Variants in TAFA2 observed in about 807,000 individuals in gnomAD.
TAFA2 encodes the protein TAFA chemokine like family member 2.
A neutral mutation model predicts 18.8 loss-of-function variants in TAFA2; 7 were observed. That is an observed-to-expected ratio of 0.37 (90% CI 0.21 to 0.70). TAFA2 has a LOEUF of 0.70. Ranked by LOEUF, TAFA2 falls within the 30% of genes least tolerant of loss-of-function variation. The pLI is 0.53. For missense variants in TAFA2, 122 were observed against 158.1 expected, an observed-to-expected ratio of 0.77 and a Z score of 1.23; for synonymous variants, 60 against 54.2, an observed-to-expected ratio of 1.11 and a Z score of -0.47.
chr12:62,030,749 A>T (rs1049224876), intron 1 of TAFA2, among the ~76,000 whole-genome samples: 2 of 152,106 alleles, frequency 1.3e-5, no homozygotes, highest in South Asian at 4.1e-4. Flanking sequence ...ATGGAACATG[A>T]TGGGGTGGGA....
intron 1 of TAFA2, among the ~76,000 whole-genome samples, chr12:62,087,636 A>G (rs556046497): frequency 5.6e-4 from 85 of 152,256 alleles, no homozygotes; most frequent in African/African-American, 2.0e-3. Flanking sequence ...CCTACAAGGG[A>G]TAGGTAAGAT....
At chr12:62,024,754 T>C (rs1300784542) in intron 1 of TAFA2, among the ~76,000 whole-genome samples, 2 of 151,412 alleles carry the variant, frequency 1.3e-5, no homozygotes, top group East Asian at 1.9e-4. Context: ...ACTCAAACAA[T>C]TGAACAAGCA....
chr12:61,837,489 C>A (rs780322524), intron 2 of TAFA2, among the ~76,000 whole-genome samples: 1 of 151,966 alleles, frequency 6.6e-6, no homozygotes, highest in Non-Finnish European at 1.5e-5. Context: ...GTGTAGACAG[C>A]ATGTGTATTA....
At chr12:61,918,013 A>T (rs12298773) in intron 1 of TAFA2, among the ~76,000 whole-genome samples, 7,259 of 148,670 alleles carry the variant, frequency 0.049, 578 homozygotes, top group African/African-American at 0.17. Context: ...ATGCTTATTT[A>T]TTTTTTTTTT....
At chr12:61,916,416 T>G (rs1876823102) in intron 1 of TAFA2, among the ~76,000 whole-genome samples, 2 of 152,178 alleles carry the variant, frequency 1.3e-5, no homozygotes, top group South Asian at 4.1e-4. Flanking sequence ...AGAGCATGTA[T>G]AGTACTTGGT....
intron 1 of TAFA2, among the ~76,000 whole-genome samples, chr12:62,110,033 G>A (rs1051393362): frequency 2.0e-5 from 3 of 152,064 alleles, no homozygotes; most frequent in African/African-American, 4.8e-5. Flanking sequence ...GGAGTGGTGA[G>A]AGAGGGCATC....
chr12:62,092,132 TTTG>T (rs1868739544), intron 1 of TAFA2, among the ~76,000 whole-genome samples: 1 of 152,000 alleles, frequency 6.6e-6, no homozygotes, highest in African/African-American at 2.4e-5. Flanking sequence ...TAACCCACCA[TTTG>T]TACACTTGAT....
At chr12:62,233,237 T>A (rs553632504) in intron 1 of TAFA2, among the ~76,000 whole-genome samples, 12 of 151,842 alleles carry the variant, frequency 7.9e-5, no homozygotes, top group African/African-American at 2.7e-4. Context: ...TGTGCCAACA[T>A]GCCCGGCTAA....
intron 4 of TAFA2, among the ~76,000 whole-genome samples, chr12:61,722,252 A>G (rs1016331693): frequency 6.6e-6 from 1 of 152,162 alleles, no homozygotes; most frequent in African/African-American, 2.4e-5. Flanking sequence ...ATGTAATTAG[A>G]AGAAAAATAT....
intron 1 of TAFA2, among the ~76,000 whole-genome samples, chr12:62,212,927 T>C (rs2136974118): frequency 6.6e-6 from 1 of 152,316 alleles, no homozygotes; most frequent in South Asian, 2.1e-4. Context: ...CTTTTAATAT[T>C]AGAGTGCTTA....
chr12:61,971,743 G>A (rs767476471), intron 1 of TAFA2, among the ~76,000 whole-genome samples: 13 of 150,958 alleles, frequency 8.6e-5, no homozygotes, highest in Non-Finnish European at 1.8e-4. Context: ...GGCTGGGGGA[G>A]GGATAGTGTT....
chr12:62,214,838 G>A (rs746988101), intron 1 of TAFA2, among the ~76,000 whole-genome samples: 4 of 152,158 alleles, frequency 2.6e-5, no homozygotes, highest in African/African-American at 4.8e-5. Flanking sequence ...ATGGTACTTT[G>A]TTATGGCATC....
chr12:61,715,302 G>T (rs1204121840), intron 4 of TAFA2, among the ~76,000 whole-genome samples: 1 of 151,900 alleles, frequency 6.6e-6, no homozygotes, highest in African/African-American at 2.4e-5. Context: ...CAGGTGTGGT[G>T]GTTCAGGCCT....
At chr12:61,751,065 T>C (rs1315668684) in intron 4 of TAFA2, among the ~76,000 whole-genome samples, 7 of 152,094 alleles carry the variant, frequency 4.6e-5, no homozygotes, top group Admixed American at 4.6e-4. Flanking sequence ...GTGCTATTTA[T>C]GCATGATGGA....
intron 2 of TAFA2, among the ~76,000 whole-genome samples, chr12:61,806,663 T>C (rs1871625789): frequency 6.6e-6 from 1 of 152,208 alleles, no homozygotes; most frequent in Non-Finnish European, 1.5e-5. Flanking sequence ...ACTTGTTGAA[T>C]GGCTTTGTCC....
intron 2 of TAFA2, among the ~76,000 whole-genome samples, chr12:61,758,567 T>C (rs1378683772): frequency 6.6e-6 from 1 of 152,022 alleles, no homozygotes; most frequent in African/African-American, 2.4e-5. Flanking sequence ...GTTTCTTACC[T>C]GATTTCATCT....
At position 62,034,980 on chromosome 12, in the gene TAFA2, T is replaced by C. The variant is rs182838146; in HGVS notation, c.-2+156279A>G. Reference sequence around the variant, plus strand: ...TTGAAAACAGAGTGACATTATATTGTTGTATCAAAATAACCACATCCAAAA... The same window carrying C: ...TTGAAAACAGAGTGACATTATATTGCTGTATCAAAATAACCACATCCAAAA... On this transcript the variant is annotated intron_variant, in intron 1 of 4. Coordinates refer to ENST00000416284, the MANE Select transcript of TAFA2 (RefSeq NM_178539.5). 1.2e-4 allele frequency among the ~76,000 whole-genome samples: 18 copies of C among 152,346 alleles called. 1 individual carries two copies. Among genetic ancestry groups the C allele is most frequent in the East Asian group, 3.9e-4 (2 of 5,194 alleles).
chr12:61,761,660 C>G (rs1376742455), intron 2 of TAFA2, among the ~76,000 whole-genome samples: 2 of 152,028 alleles, frequency 1.3e-5, no homozygotes, highest in Non-Finnish European at 2.9e-5. Context: ...CTCCAATTTG[C>G]AAGGGACACA....
chr12:62,146,083 C>T (rs1253261110), intron 1 of TAFA2, among the ~76,000 whole-genome samples: 2 of 152,180 alleles, frequency 1.3e-5, no homozygotes, highest in East Asian at 1.9e-4. Context: ...GGCATAAGCA[C>T]AGTTCTTTGC....
Sources: allele counts gnomAD v4.1 joint callset (sites outside exome capture counted in the v4.1 genomes callset), GRCh38; gene constraint gnomAD v4.1.1; transcripts MANE v1.5; gene names NCBI Gene and HGNC (gene_info 2026-07-23, HGNC 2026-07-21).